Variants in STK3 observed in about 807,000 individuals in gnomAD.
STK3 encodes the protein serine/threonine-protein kinase 3.
STK3 carries 41 observed loss-of-function variants against 58.0 expected under a neutral mutation model. That is an observed-to-expected ratio of 0.71 (90% CI 0.55 to 0.92). STK3 has a LOEUF of 0.92. STK3 is among the 40% of genes least tolerant of loss of function. The pLI is 0.00. For missense variants in STK3, 479 were observed against 602.7 expected (o/e 0.79, Z 2.15); for synonymous variants, 170 against 191.0 (o/e 0.89, Z 0.91).
intron 3 of STK3, among the ~76,000 whole-genome samples, chr8:98,853,426 C>T (rs55878650): frequency 0.052 from 7,865 of 152,244 alleles, 258 homozygotes; most frequent in African/African-American, 0.085. Flanking sequence ...GTCTGTCTGC[C>T]TAAGCCTTGG....
At chr8:98,839,248 C>T (rs1485162538) in intron 3 of STK3, among the ~76,000 whole-genome samples, 2 of 152,026 alleles carry the variant, frequency 1.3e-5, no homozygotes, top group East Asian at 3.9e-4. Flanking sequence ...GGGATTCCCA[C>T]TATGTTGCCC....
At chr8:98,690,675 T>C (rs1453189844) in intron 6 of STK3, among the ~76,000 whole-genome samples, 1 of 152,142 alleles carries the variant, frequency 6.6e-6, no homozygotes, top group East Asian at 1.9e-4. Context: ...TCATCATTTT[T>C]CACAGAATTA....
chr8:98,643,850 A>C (rs1406712550), intron 6 of STK3, among the ~76,000 whole-genome samples: 2 of 152,046 alleles, frequency 1.3e-5, no homozygotes, highest in African/African-American at 4.8e-5. Flanking sequence ...CTCTACAAAA[A>C]ACTTAAAAAT....
chr8:98,585,942 AT>A lies in STK3; in HGVS notation c.823-6154del, dbSNP rs551352950. ...GAATGCTTGTGATTTTTGCACATTGATTTTGTATCCTGAAACTTTGCTGAAG... is the reference window on the plus strand; with the variant it reads ...GAATGCTTGTGATTTTTGCACATTGATTTGTATCCTGAAACTTTGCTGAAG... On this transcript the variant is annotated intron_variant, in intron 7 of 10. Transcript: ENST00000419617. Among the ~76,000 whole-genome samples, 522 of 152,126 alleles carry A rather than the reference AT, an allele frequency of 3.4e-3. 3 individuals carry two copies. The highest frequency in any genetic ancestry group is 5.8e-3 in the Non-Finnish European group (393 of 68,000).
intron 1 of STK3, among the ~76,000 whole-genome samples, chr8:98,930,414 G>A (rs770462786): frequency 1.6e-4 from 25 of 152,164 alleles, no homozygotes; most frequent in Non-Finnish European, 3.1e-4. Flanking sequence ...CCTGTTCCAT[G>A]CAGAGTGTGT....
intron 1 of STK3, among the ~76,000 whole-genome samples, chr8:98,776,809 T>C (rs1007369047): frequency 1.3e-5 from 2 of 150,744 alleles, no homozygotes; most frequent in Non-Finnish European, 1.5e-5. Context: ...CCCAGCACTT[T>C]GGAAGGCCGA....
At chr8:98,438,215 G>C (rs1818561603) in intron 1 of STK3, 1 of 152,232 alleles carries the variant, frequency 6.6e-6, no homozygotes, top group African/African-American at 2.4e-5. Flanking sequence ...GTGTGTGCGT[G>C]TGTGTGTTTA....
rs1489997682 is a variant in STK3, at chr8:98,812,571, A to G, written c.26+12944T>C. Among the ~76,000 whole-genome samples the G allele has an allele frequency of 4.6e-5, 7 of 152,360 alleles. No homozygotes were observed. In the South Asian group the frequency reaches 1.2e-3, roughly 27 times the overall value. On this transcript the variant is annotated intron_variant, in intron 1 of 10. Coordinates refer to ENST00000419617, the MANE Select transcript of STK3 (RefSeq NM_006281.4). ...CCAAAGGTTTATAAATCATGCTGCT[A>G]TAAAGACATGCACACATATGTTTAC...
intron 1 of STK3, among the ~76,000 whole-genome samples, chr8:98,784,220 A>C (rs1430362654): frequency 6.6e-6 from 1 of 152,242 alleles, no homozygotes; most frequent in Non-Finnish European, 1.5e-5. Context: ...CATGCAAGTC[A>C]ACCATTCTTT....
chr8:98,774,750 C>T lies in STK3; in HGVS notation c.96G>A (p.Lys32=), dbSNP rs1831553349. The part of the protein sequence containing the change: ...QPEEVFDVLE[K]LGEGSYGSVF... Reference sequence around the variant, plus strand: ...CTTTTTGTACTTACCCTTCTCCAAGCTTCTCTAATACATCAAAAACTTCTT... The same window carrying T: ...CTTTTTGTACTTACCCTTCTCCAAGTTTCTCTAATACATCAAAAACTTCTT... Residue 32 remains lysine, a synonymous_variant, in exon 2 of 11, where the codon AAG becomes AAA. Transcript: ENST00000419617. 1 of 1,583,638 alleles carries T rather than the reference C, an allele frequency of 6.3e-7. No individual in the cohort carries two copies. Among genetic ancestry groups the T allele is most frequent in the Non-Finnish European group, 8.6e-7 (1 of 1,167,720 alleles).
At chr8:98,518,541 C>T (rs1441677289) in intron 10 of STK3, among the ~76,000 whole-genome samples, 1 of 152,140 alleles carries the variant, frequency 6.6e-6, no homozygotes, top group African/African-American at 2.4e-5. Flanking sequence ...TGCCCAGTGA[C>T]TAAATTATTA....
rs36085293 is a variant in STK3, at chr8:98,730,715, C to CAAA, written c.351+18558_351+18560dup. 7.2e-3 allele frequency among the ~76,000 whole-genome samples: 477 copies of CAAA among 66,138 alleles called. 4 individuals carry two copies. The highest frequency in any genetic ancestry group is 0.021 in the African/African-American group (349 of 16,732). The allele number at this position is 66,138 out of a possible 152,430, so 43.4% of individuals were successfully genotyped here. On this transcript the variant is annotated intron_variant, in intron 4 of 10. Transcript: ENST00000419617. ...TGAACAACAGGGCAAGACTCCGTCT[C>CAAA]AAAAAAAAAAAAAAAAAAAAAAACA...
chr8:98,906,473 T>C (rs1250591384), intron 1 of STK3: 2 of 152,372 alleles, frequency 1.3e-5, no homozygotes, highest in South Asian at 2.1e-4. Context: ...CCAGATCCAC[T>C]GCCTTCCAGG....
chr8:98,469,329 A>T (rs1563634020), intron 10 of STK3, among the ~76,000 whole-genome samples: 1 of 152,140 alleles, frequency 6.6e-6, no homozygotes, highest in Non-Finnish European at 1.5e-5. Context: ...CTAATTTAAT[A>T]GAGAACATGG....
the STK3 span, among the ~76,000 whole-genome samples, chr8:98,364,202 C>A: frequency 2.6e-4 from 40 of 152,214 alleles, 1 homozygote; most frequent in Admixed American, 2.0e-3. Flanking sequence ...GTCGTCTTGG[C>A]GTTAGGATCC....
intron 10 of STK3, among the ~76,000 whole-genome samples, chr8:98,488,263 C>T (rs145018440): frequency 6.6e-6 from 1 of 152,234 alleles, no homozygotes; most frequent in African/African-American, 2.4e-5. Context: ...GGCAAAAGTG[C>T]AGTCATTTTA....
chr8:98,879,601 G>A (rs1239802999), downstream of STK3: 2 of 152,100 alleles, frequency 1.3e-5, no homozygotes, highest in African/African-American at 4.8e-5. Context: ...AAAACCTAAA[G>A]AGCTAATCCT....
intron 4 of STK3, among the ~76,000 whole-genome samples, chr8:98,738,256 C>T (rs10112149): frequency 0.67 from 101,129 of 151,786 alleles, 34,952 homozygotes; most frequent in African/African-American, 0.86. Context: ...GTGGATCACC[C>T]CACGTCAGGA....
At chr8:98,566,003 A>T (rs1812450932) in intron 8 of STK3, among the ~76,000 whole-genome samples, 1 of 152,186 alleles carries the variant, frequency 6.6e-6, no homozygotes, top group Non-Finnish European at 1.5e-5. Flanking sequence ...TTGATATTGG[A>T]TTAACCTTCT....
Sources: gnomAD v4.1 joint callset for allele counts (sites outside exome capture counted in the v4.1 genomes callset) on GRCh38, gnomAD v4.1.1 for gene constraint, MANE v1.5 for transcripts, NCBI Gene and HGNC (gene_info 2026-07-23, HGNC 2026-07-21) for gene names.